The following NSD2 variants were observed in gnomAD, a reference collection of about 807,000 sequenced individuals.
The protein encoded by NSD2 is nuclear receptor binding SET domain protein 2, also known as histone-lysine N-methyltransferase NSD2.
A neutral mutation model predicts 139.0 loss-of-function variants in NSD2; 12 were observed. The observed-to-expected ratio is 0.09, with a 90% CI of 0.06 to 0.14. NSD2 has a LOEUF of 0.14. Ranked by LOEUF, NSD2 falls within the 10% of genes least tolerant of loss-of-function variation. The pLI is 1.00. For synonymous variants in NSD2, 669 were observed against 648.7 expected (o/e 1.03, Z -0.48); for missense variants, 1,155 against 1,745.0 (o/e 0.66, Z 6.02).
intron 1 of NSD2, among the ~76,000 whole-genome samples, chr4:1,877,937 G>C (rs1481323440): frequency 1.3e-5 from 2 of 152,090 alleles, no homozygotes; most frequent in African/African-American, 4.8e-5. Context: ...GCCAAGACGA[G>C]AGGATCACTC....
intron 8 of NSD2, among the ~76,000 whole-genome samples, chr4:1,938,915 G>A (rs1218869823): frequency 6.6e-6 from 1 of 152,148 alleles, no homozygotes; most frequent in Non-Finnish European, 1.5e-5. Context: ...CTGCATGTAA[G>A]CTAACAGTAA....
intron 7 of NSD2, among the ~76,000 whole-genome samples, 188 bp from the exon 8 acceptor site, chr4:1,938,263 T>C (rs1180521900): frequency 1.3e-5 from 2 of 152,218 alleles, no homozygotes; most frequent in Non-Finnish European, 2.9e-5. Flanking sequence ...GGATGACTTA[T>C]GTGTGGAACA....
chr4:1,936,046 T>C (rs1307050079), intron 7 of NSD2, among the ~76,000 whole-genome samples: 1 of 152,254 alleles, frequency 6.6e-6, no homozygotes. Flanking sequence ...ATTCATGTTA[T>C]TGTTTACTGA....
At position 1,973,208 on chromosome 4, in the gene NSD2, G is replaced by A. The variant is rs553575245; in HGVS notation, c.3373-1655G>A. Among the ~76,000 whole-genome samples the A allele has an allele frequency of 1.2e-4, 19 of 152,272 alleles. No homozygotes were observed. In the East Asian group the frequency reaches 3.7e-3, roughly 29 times the overall value. ...TAGGGAACATCTGTAAGTCAGTTAA[G>A]ATAAATAAAACAGGGTCAAGACATG... On this transcript the variant is annotated intron_variant, in intron 18 of 21. Coordinates refer to ENST00000508803, the MANE Select transcript of NSD2 (RefSeq NM_001042424.3). The surrounding 1 kb of genome is among the most constrained non-coding windows in gnomAD (Gnocchi z 5.5).
chr4:1,905,220 GAT>G (rs1717732038), intron 3 of NSD2, among the ~76,000 whole-genome samples: 1 of 152,238 alleles, frequency 6.6e-6, no homozygotes, highest in Non-Finnish European at 1.5e-5. Flanking sequence ...AATAGTAAAA[GAT>G]AATGTGGTTT....
chr4:1,901,121 A>G lies in NSD2; in HGVS notation c.467A>G (p.Glu156Gly). ...GCTGCTGATGTGTCTCAGTCAGAAG[A>G]AAATGGACAAAAACCAGAAAACAAG... is the stretch of plus-strand genomic sequence containing the variant. ...DSAADVSQSEENGQKPENKAR... is the reference protein window; with the variant it reads ...DSAADVSQSEGNGQKPENKAR... The change falls in exon 2 of 22, where the codon GAA becomes GGA. Residue 156 changes from glutamate to glycine, a missense_variant. This residue lies in a region of NSD2 where 246 missense variants were observed against 262.8 expected (regional missense o/e 0.94). Coordinates refer to ENST00000508803, the MANE Select transcript of NSD2 (RefSeq NM_001042424.3). 1 of 1,614,226 alleles carries G rather than the reference A, an allele frequency of 6.2e-7. No homozygotes were observed. The highest frequency in any genetic ancestry group is 8.5e-7 in the Non-Finnish European group (1 of 1,180,042).
At chr4:1,964,988 G>A (rs1212683389) in intron 18 of NSD2, among the ~76,000 whole-genome samples, 1 of 150,186 alleles carries the variant, frequency 6.7e-6, no homozygotes, top group African/African-American at 2.5e-5. Context: ...CCTAGGGCAA[G>A]GGGAGGAAGA....
In NSD2 at chr4:1,972,930, G is replaced by A. The variant is rs904074680; in HGVS notation, c.3373-1933G>A. ...TTCAGTGGCACAATCTCAGCTCACT[G>A]CACCCTCTGCCTCACAGGTTCAAGC... On this transcript the variant is annotated intron_variant, in intron 18 of 21. Transcript: ENST00000508803. The surrounding 1 kb of genome is among the most constrained non-coding windows in gnomAD (Gnocchi z 4.0). 6.6e-6 allele frequency among the ~76,000 whole-genome samples: 1 copy of A among 152,080 alleles called. No homozygotes were observed.
At chr4:1,936,832 A>G (rs924171045) in intron 7 of NSD2, among the ~76,000 whole-genome samples, 2 of 152,194 alleles carry the variant, frequency 1.3e-5, no homozygotes, top group African/African-American at 2.4e-5. Flanking sequence ...TGTGGACACC[A>G]TATCATTTAC....
intron 18 of NSD2, among the ~76,000 whole-genome samples, chr4:1,965,770 G>T (rs1725825907): frequency 6.6e-6 from 1 of 152,200 alleles, no homozygotes; most frequent in African/African-American, 2.4e-5. Context: ...GCACATGGCG[G>T]CAGGAGAGAG....
At chr4:1,924,748 C>CA (rs57548242) in intron 5 of NSD2, among the ~76,000 whole-genome samples, 16,067 of 130,106 alleles carry the variant, frequency 0.12, 891 homozygotes, top group African/African-American at 0.15. Context: ...CTCATCTCTA[C>CA]AAAAAAAAAA....
chr4:1,923,772 A>G (rs549792008), intron 5 of NSD2, among the ~76,000 whole-genome samples: 1 of 152,338 alleles, frequency 6.6e-6, no homozygotes, highest in East Asian at 1.9e-4. Flanking sequence ...TCCAAAACCA[A>G]AAAGCTACCC....
intron 4 of NSD2, among the ~76,000 whole-genome samples, chr4:1,917,776 TTC>T (rs1469533210): frequency 1.3e-5 from 2 of 148,558 alleles, no homozygotes; most frequent in Non-Finnish European, 3.0e-5. Flanking sequence ...TGTAAAAGTA[TTC>T]TTTTTTTTTT....
chr4:1,979,530 T>C lies in NSD2; in HGVS notation c.*621T>C. 4.3e-6 allele frequency: 1 copy of C among 233,148 alleles called. No homozygotes were observed. Among genetic ancestry groups the C allele is most frequent in the Non-Finnish European group, 8.5e-6 (1 of 117,958 alleles). The allele number at this position is 233,148 out of a possible 1,614,324, so 14.4% of individuals were successfully genotyped here. On this transcript the variant is annotated 3_prime_UTR_variant, in exon 22 of 22. Transcript: ENST00000508803. ...CTGCAGGTGGTGGCAGCAATGGTGT[T>C]GTAAGATTTCCTCCCGTAGTTTTTT...
At chr4:1,898,404 C>G (rs1716662845) in intron 1 of NSD2, among the ~76,000 whole-genome samples, 1 of 152,200 alleles carries the variant, frequency 6.6e-6, no homozygotes, top group Admixed American at 6.5e-5. Flanking sequence ...GTGGCTCACG[C>G]CTGTAATCCC....
intron 1 of NSD2, among the ~76,000 whole-genome samples, chr4:1,895,707 AG>A (rs1245683813): frequency 6.6e-6 from 1 of 151,980 alleles, no homozygotes; most frequent in Non-Finnish European, 1.5e-5. Context: ...TCCCGGGGAG[AG>A]GGGGGCTCCC....
At chr4:1,928,203 GT>G (rs142236442) in intron 5 of NSD2, among the ~76,000 whole-genome samples, 1,631 of 151,906 alleles carry the variant, frequency 0.011, 32 homozygotes, top group African/African-American at 0.038. Flanking sequence ...TGTCCAGCTT[GT>G]TTTTTGATAT....
chr4:1,972,252 A>G lies in NSD2; in HGVS notation c.3373-2611A>G, dbSNP rs1038293461. ...CTTCTGTGGAAAGTTCGGCAGTGTC[A>G]CTGACGGACACAAGAGATGATATGG... is the stretch of plus-strand genomic sequence containing the variant. On this transcript the variant is annotated intron_variant, in intron 18 of 21. Transcript: ENST00000508803. This position sits in a 1 kb window ranked among gnomAD's most constrained non-coding sequence, Gnocchi z 4.0. Among the ~76,000 whole-genome samples the G allele has an allele frequency of 9.2e-5, 14 of 152,194 alleles. No homozygotes were observed. The highest frequency in any genetic ancestry group is 2.4e-5 in the African/African-American group (1 of 41,452).
chr4:1,957,048 G>A (rs1264475044), intron 15 of NSD2, among the ~76,000 whole-genome samples: 2 of 152,158 alleles, frequency 1.3e-5, no homozygotes, highest in Admixed American at 6.5e-5. Flanking sequence ...TGCGACTGTC[G>A]GCAAAGTCTC....
Sources: gnomAD v4.1 joint callset for allele counts (sites outside exome capture counted in the v4.1 genomes callset) on GRCh38, gnomAD v4.1.1 for gene constraint, gnomAD v4.1.1 regional missense constraint, Gnocchi (gnomAD v3.1) non-coding constraint, MANE v1.5 for transcripts, NCBI Gene and HGNC (gene_info 2026-07-23, HGNC 2026-07-21) for gene names.